GRM5: variants seen among roughly 807,000 people sequenced by gnomAD.
GRM5 encodes the protein glutamate metabotropic receptor 5.
In GRM5, 19 loss-of-function variants were observed where a neutral mutation model predicts 83.1. The ratio of observed to expected loss-of-function variants is 0.23; its 90% CI spans 0.16 to 0.34. The LOEUF is 0.34. Ranked by LOEUF, GRM5 falls within the 10% of genes least tolerant of loss-of-function variation. The pLI, the probability that GRM5 is intolerant of heterozygous loss-of-function variation, is 1.00. For missense variants in GRM5, 1,160 were observed against 1,588.3 expected (o/e 0.73, Z 4.58); for synonymous variants, 675 against 633.6 (o/e 1.07, Z -0.98).
At chr11:88,655,300 G>C (rs1045127794) in intron 3 of GRM5, among the ~76,000 whole-genome samples, 5 of 151,960 alleles carry the variant, frequency 3.3e-5, no homozygotes, top group African/African-American at 1.2e-4. Context: ...CTCTGTTTTG[G>C]AGGGTTTATT....
At chr11:88,659,158 G>T (rs568401031) in intron 3 of GRM5, among the ~76,000 whole-genome samples, 135 of 152,242 alleles carry the variant, frequency 8.9e-4, no homozygotes, top group Non-Finnish European at 1.7e-3. Flanking sequence ...GGCATAGAAG[G>T]TAAAGGAGCA....
chr11:88,777,121 G>A (rs1942871982), intron 3 of GRM5, among the ~76,000 whole-genome samples: 1 of 152,146 alleles, frequency 6.6e-6, no homozygotes, highest in Non-Finnish European at 1.5e-5. Flanking sequence ...CATAGTTCTT[G>A]GAGGCTTTGT....
At chr11:88,713,617 G>A (rs909666376) in intron 3 of GRM5, among the ~76,000 whole-genome samples, 9 of 152,044 alleles carry the variant, frequency 5.9e-5, no homozygotes, top group African/African-American at 2.2e-4. Flanking sequence ...ATGTTTTCTT[G>A]TACACTCAAA....
intron 8 of GRM5, among the ~76,000 whole-genome samples, chr11:88,534,503 C>A (rs765664242): frequency 8.5e-5 from 13 of 152,214 alleles, no homozygotes; most frequent in Non-Finnish European, 1.8e-4. Flanking sequence ...TGGCCAATTT[C>A]TCCCATCTGG....
intron 7 of GRM5, among the ~76,000 whole-genome samples, chr11:88,584,407 C>A (rs1009948789): frequency 2.0e-5 from 3 of 151,940 alleles, no homozygotes; most frequent in Non-Finnish European, 4.4e-5. Flanking sequence ...AGCAGCCCAT[C>A]ATGATTGCAT....
rs547100528 is a variant in GRM5 at position 88,711,305 on chromosome 11, C to A, written c.912-57902G>T. On this transcript the variant is annotated intron_variant, in intron 3 of 9. Transcript: ENST00000305447. The stretch of plus-strand genomic sequence containing the variant: ...TCTATCCTCTTGCTGGTACCTTCCA[C>A]TGACTGAATTCTACCGCAGCCAAAG... 5.9e-5 allele frequency among the ~76,000 whole-genome samples: 9 copies of A among 152,244 alleles called. No individual in the cohort carries two copies. The South Asian group carries it at 1.9e-3, about 32-fold the overall frequency.
intron 2 of GRM5, among the ~76,000 whole-genome samples, chr11:88,945,501 A>G (rs992671240): frequency 4.6e-5 from 7 of 152,122 alleles, no homozygotes; most frequent in Admixed American, 1.3e-4. Context: ...CTATACTACA[A>G]TGCTACAGTA....
At chr11:88,783,835 TAGG>T (rs909807456) in intron 3 of GRM5, among the ~76,000 whole-genome samples, 2 of 152,082 alleles carry the variant, frequency 1.3e-5, no homozygotes, top group Non-Finnish European at 2.9e-5. Flanking sequence ...TTCAGGGTTT[TAGG>T]AGGATTATAT....
chr11:88,666,040 A>C (rs1405483809), intron 3 of GRM5, among the ~76,000 whole-genome samples: 3 of 152,214 alleles, frequency 2.0e-5, no homozygotes, highest in Admixed American at 6.5e-5. Flanking sequence ...GAGGGAAAAG[A>C]AGCACAGATA....
chr11:88,656,538 C>T (rs1939771180), intron 3 of GRM5, among the ~76,000 whole-genome samples: 1 of 152,074 alleles, frequency 6.6e-6, no homozygotes, highest in South Asian at 2.1e-4. Context: ...ACTCTGCTTT[C>T]TTGTTTCAGT....
At chr11:88,696,938 G>A (rs7482471) in intron 3 of GRM5, among the ~76,000 whole-genome samples, 148,627 of 152,312 alleles carry the variant, frequency 0.98, 72,638 homozygotes, top group East Asian at 1. Flanking sequence ...AGGTGATGCT[G>A]TATCTCTGTG....
intron 2 of GRM5, among the ~76,000 whole-genome samples, chr11:88,853,881 T>C (rs1167642592): frequency 8.2e-6 from 1 of 122,052 alleles, no homozygotes; most frequent in African/African-American, 3.0e-5. Context: ...CACCCATTAA[T>C]AGAAAACTTC....
intron 2 of GRM5, among the ~76,000 whole-genome samples, chr11:88,896,177 A>C (rs1398060562): frequency 1.3e-5 from 2 of 151,878 alleles, no homozygotes; most frequent in Non-Finnish European, 2.9e-5. Context: ...CATCTAGTAG[A>C]GGGTAGGCCA....
intron 7 of GRM5, among the ~76,000 whole-genome samples, chr11:88,589,672 TG>T (rs1226224963): frequency 6.6e-6 from 1 of 152,224 alleles, no homozygotes; most frequent in African/African-American, 2.4e-5. Context: ...ACATACCACA[TG>T]GAGGGCTCTC....
chr11:88,696,413 G>T (rs1940903251), intron 3 of GRM5, among the ~76,000 whole-genome samples: 1 of 152,124 alleles, frequency 6.6e-6, no homozygotes, highest in South Asian at 2.1e-4. Flanking sequence ...TTATCACTTA[G>T]GTCTGTGGAG....
intron 2 of GRM5, among the ~76,000 whole-genome samples, chr11:89,002,337 T>A (rs1940407694): frequency 6.6e-6 from 1 of 152,140 alleles, no homozygotes; most frequent in Non-Finnish European, 1.5e-5. Flanking sequence ...GCAAACCGGA[T>A]ATGCACTGAT....
At chr11:88,840,978 C>A (rs1217164103) in intron 3 of GRM5, among the ~76,000 whole-genome samples, 3 of 152,162 alleles carry the variant, frequency 2.0e-5, no homozygotes, top group African/African-American at 7.2e-5. Flanking sequence ...TCTTCTTGTA[C>A]AACCAAAAGA....
intron 2 of GRM5, among the ~76,000 whole-genome samples, chr11:88,903,520 G>A (rs2135598054): frequency 6.6e-6 from 1 of 152,190 alleles, no homozygotes; most frequent in Admixed American, 6.5e-5. Flanking sequence ...GAGATGATTG[G>A]ATAAAGAAAA....
chr11:88,835,763 A>G (rs1053085696), intron 3 of GRM5, among the ~76,000 whole-genome samples: 2 of 152,240 alleles, frequency 1.3e-5, no homozygotes, highest in African/African-American at 4.8e-5. Context: ...TAATATCTAT[A>G]TCCAAAGAGT....
Sources: allele counts gnomAD v4.1 joint callset (sites outside exome capture counted in the v4.1 genomes callset), GRCh38; gene constraint gnomAD v4.1.1; transcripts MANE v1.5; gene names NCBI Gene and HGNC (gene_info 2026-07-23, HGNC 2026-07-21).